TCF12: variants seen among roughly 807,000 people sequenced by gnomAD.
TCF12 encodes the protein DNA-binding protein HTF4.
Under a neutral mutation model 86.0 loss-of-function variants are expected in TCF12, and 45 were observed. That is an observed-to-expected ratio of 0.52 (90% CI 0.41 to 0.67). The LOEUF is 0.67. Ranked by LOEUF, TCF12 falls within the 30% of genes least tolerant of loss-of-function variation. The pLI, the probability that TCF12 is intolerant of heterozygous loss-of-function variation, is 0.00. For synonymous variants in TCF12, 330 were observed against 299.6 expected, an observed-to-expected ratio of 1.10 and a Z score of -1.05; for missense variants, 881 against 859.9, an observed-to-expected ratio of 1.02 and a Z score of -0.31.
rs10717631 is a variant in TCF12, at chr15:57,059,803, CAA to C, written c.149-3928_149-3927del. Among the ~76,000 whole-genome samples, 673 of 94,224 alleles carry C rather than the reference CAA, an allele frequency of 7.1e-3. 3 individuals are homozygous for C. The highest frequency in any genetic ancestry group is 0.044 in the East Asian group (154 of 3,486). 61.8% of individuals were successfully genotyped at this position (94,224 alleles called of 152,430 possible). A position where few individuals can be genotyped will look rare whatever the true frequency, so the allele number is the denominator to read the frequency against. On this transcript the variant is annotated intron_variant, in intron 3 of 20. Transcript: ENST00000333725. Reference sequence around the variant, plus strand: ...GGCATAGAAAAGCATCTCCTCCCACCAAAAAAAAAAAAAAAAAAAATTCCAGT... The same window carrying C: ...GGCATAGAAAAGCATCTCCTCCCACCAAAAAAAAAAAAAAAAAATTCCAGT...
chr15:56,984,333 A>G (rs1179881880), intron 3 of TCF12, among the ~76,000 whole-genome samples: 2 of 135,814 alleles, frequency 1.5e-5, no homozygotes, highest in African/African-American at 2.8e-5. Flanking sequence ...GGTTGGGACA[A>G]GGGGAGTGGT....
intron 6 of TCF12, among the ~76,000 whole-genome samples, chr15:57,178,983 C>T (rs2056148045): frequency 6.6e-6 from 1 of 151,638 alleles, no homozygotes; most frequent in South Asian, 2.1e-4. Flanking sequence ...TCCCGGATCT[C>T]TCTACTGTGA....
chr15:56,920,026 A>C, intron 2 of TCF12, 38 bp downstream of exon 2: 1 of 1,610,254 alleles, frequency 6.2e-7, no homozygotes, highest in Non-Finnish European at 8.5e-7. Flanking sequence ...GGTTCTGCTG[A>C]GGTTTTTGTT....
chr15:57,074,598 C>G (rs1237520274), intron 4 of TCF12, among the ~76,000 whole-genome samples: 7 of 152,232 alleles, frequency 4.6e-5, no homozygotes, highest in East Asian at 3.9e-4. Context: ...GCCTTGACCT[C>G]CCAGGCTCAA....
At chr15:57,009,064 A>T (rs2064658373) in intron 3 of TCF12, among the ~76,000 whole-genome samples, 1 of 152,192 alleles carries the variant, frequency 6.6e-6, no homozygotes, top group Non-Finnish European at 1.5e-5. Context: ...TTAAAGTCCC[A>T]GTCAAACCTT....
chr15:57,017,152 C>T (rs143492425), intron 3 of TCF12, among the ~76,000 whole-genome samples: 1 of 152,298 alleles, frequency 6.6e-6, no homozygotes, highest in African/African-American at 2.4e-5. Context: ...AAATCTCAGG[C>T]CCTTGACACA....
intron 8 of TCF12, among the ~76,000 whole-genome samples, chr15:57,206,724 G>T (rs2057833610): frequency 6.6e-6 from 1 of 151,296 alleles, no homozygotes; most frequent in African/African-American, 2.4e-5. Flanking sequence ...AACCCAGGAG[G>T]TGGAGAGTTT....
intron 8 of TCF12, among the ~76,000 whole-genome samples, chr15:57,204,269 GCA>G (rs151328034): frequency 6.6e-6 from 1 of 151,726 alleles, no homozygotes; most frequent in African/African-American, 2.4e-5. Context: ...GACCTTGTCT[GCA>G]CACACACACA....
At chr15:57,163,729 A>G (rs1295145593) in intron 5 of TCF12, among the ~76,000 whole-genome samples, 2 of 152,204 alleles carry the variant, frequency 1.3e-5, no homozygotes, top group Non-Finnish European at 2.9e-5. Flanking sequence ...TTAATTCAAT[A>G]AAACTAGTTA....
At chr15:57,063,692 C>CA (rs1384902749) in intron 3 of TCF12, 58 bp from the exon 4 acceptor site, 26 of 1,500,394 alleles carry the variant, frequency 1.7e-5, no homozygotes, top group East Asian at 9.2e-5. Flanking sequence ...TGTCCCGTAC[C>CA]AAAAAAATCC....
intron 5 of TCF12, among the ~76,000 whole-genome samples, chr15:57,099,901 A>AT (rs1208629506): frequency 6.6e-6 from 1 of 151,198 alleles, no homozygotes; most frequent in Non-Finnish European, 1.5e-5. Context: ...GGTCTAATGG[A>AT]TTTTTTGGTG....
At chr15:56,941,185 C>T (rs1327445255) in intron 3 of TCF12, among the ~76,000 whole-genome samples, 3 of 151,514 alleles carry the variant, frequency 2.0e-5, no homozygotes, top group South Asian at 2.1e-4. Flanking sequence ...GGTAACATGG[C>T]GAAACCCTGC....
intron 3 of TCF12, among the ~76,000 whole-genome samples, chr15:57,025,020 TG>T (rs1398365279): frequency 6.6e-6 from 1 of 152,180 alleles, no homozygotes; most frequent in African/African-American, 2.4e-5. Flanking sequence ...ATAGCTATGA[TG>T]GAACAGCACC....
chr15:56,968,471 A>G (rs1387037555), intron 3 of TCF12, among the ~76,000 whole-genome samples: 1 of 151,756 alleles, frequency 6.6e-6, no homozygotes. Flanking sequence ...TCCTGGACTC[A>G]AGCAGTCCTC....
chr15:57,151,101 C>T (rs889426373), intron 5 of TCF12, among the ~76,000 whole-genome samples: 1 of 151,670 alleles, frequency 6.6e-6, no homozygotes, highest in African/African-American at 2.4e-5. Context: ...CTTCACCCTC[C>T]CAAGTAGCTA....
Position 57,123,429 on chromosome 15 carries a change from A to G in TCF12, c.325+31538A>G, listed in dbSNP as rs1242539061. On this transcript the variant is annotated intron_variant, in intron 5 of 20. Transcript: ENST00000333725. ...TTGAATTCCATTGTAAGATTCTTTT[A>G]AAGTATTTTGTTTGAAAGTCTTTCA... Among the ~76,000 whole-genome samples, 4 of 152,302 alleles carry G rather than the reference A, an allele frequency of 2.6e-5. No individual in the cohort carries two copies. In the East Asian group the frequency reaches 7.7e-4, roughly 29 times the overall value.
rs1467374963 is a variant in TCF12, at chr15:57,248,001, G to T, written c.1115-3349G>T. Reference sequence around the variant, plus strand: ...TCTCCCCCACCACCCCACCCCCACAGTGGTGGCAACGGCTGCAGTTGGGCA... The same window carrying T: ...TCTCCCCCACCACCCCACCCCCACATTGGTGGCAACGGCTGCAGTTGGGCA... On this transcript the variant is annotated intron_variant, in intron 13 of 20. Coordinates refer to ENST00000333725, the MANE Select transcript of TCF12 (RefSeq NM_207037.2). 4.2e-6 allele frequency: 3 copies of T among 718,836 alleles called. No homozygotes were observed. In the African/African-American group the frequency reaches 5.2e-5, roughly 13 times the overall value. The allele number at this position is 718,836 out of a possible 1,614,324, so 44.5% of individuals were successfully genotyped here.
chr15:57,048,474 G>A (rs1459770572), intron 3 of TCF12, among the ~76,000 whole-genome samples: 1 of 152,006 alleles, frequency 6.6e-6, no homozygotes. Context: ...TGTTTCCCAG[G>A]ATGGTCTCCA....
At chr15:56,922,120 G>GAAC (rs2059821582) in intron 3 of TCF12, among the ~76,000 whole-genome samples, 1 of 151,880 alleles carries the variant, frequency 6.6e-6, no homozygotes, top group Non-Finnish European at 1.5e-5. Context: ...TTTGAAAATT[G>GAAC]TTACTTTTTG....
Sources: allele counts gnomAD v4.1 joint callset (sites outside exome capture counted in the v4.1 genomes callset), GRCh38; gene constraint gnomAD v4.1.1; transcripts MANE v1.5; gene names NCBI Gene and HGNC (gene_info 2026-07-23, HGNC 2026-07-21).